PDE4B: variants seen among roughly 807,000 people sequenced by gnomAD.
The protein encoded by PDE4B is phosphodiesterase 4B.
Under a neutral mutation model 82.2 loss-of-function variants are expected in PDE4B, and 20 were observed. The ratio of observed to expected loss-of-function variants is 0.24; its 90% CI spans 0.17 to 0.35. PDE4B has a LOEUF of 0.35. PDE4B is among the 10% of genes least tolerant of loss of function. The pLI is 1.00. For missense variants in PDE4B, 655 were observed against 907.2 expected (o/e 0.72, Z 3.57); for synonymous variants, 320 against 318.9 (o/e 1.00, Z -0.04).
At chr1:66,238,457 C>T (rs1247520665) in intron 3 of PDE4B, among the ~76,000 whole-genome samples, 1 of 152,142 alleles carries the variant, frequency 6.6e-6, no homozygotes, top group Non-Finnish European at 1.5e-5. Flanking sequence ...AAAGATTGCT[C>T]TTGCTATGTG....
At chr1:65,981,062 A>T (rs867500291) in intron 3 of PDE4B, among the ~76,000 whole-genome samples, 7 of 152,198 alleles carry the variant, frequency 4.6e-5, no homozygotes, top group Non-Finnish European at 1.0e-4. Context: ...AGAATTAAGT[A>T]TCTGACCTGG....
At chr1:65,809,332 C>CAAAAAAAAAAAA (rs11366228) in intron 1 of PDE4B, among the ~76,000 whole-genome samples, 3 of 72,514 alleles carry the variant, frequency 4.1e-5, no homozygotes, top group African/African-American at 5.4e-5. Flanking sequence ...CTCCATCTCA[C>CAAAAAAAAAAAA]AAAAAAAAAA....
rs781262770 is a variant in PDE4B at position 66,361,765 on chromosome 1, A to T, written c.992A>T (p.Asn331Ile). The T allele has an allele frequency of 8.1e-6, 13 of 1,612,398 alleles. 1 individual carries two copies. The African/African-American group carries it at 1.1e-4, about 13-fold the overall frequency. ...NNTSISRFGV[N>I]TENEDHLAKE... ...ACAAGCATCTCACGCTTTGGAGTCA[A>T]CACTGAAAATGAAGATCACCTGGCC... The change falls in exon 10 of 17, where the codon AAC (asparagine) becomes ATC (isoleucine). Residue 331 changes from asparagine to isoleucine, a missense_variant. This residue lies in a region of PDE4B where 283 missense variants were observed against 516.4 expected (regional missense o/e 0.55). Coordinates refer to ENST00000341517, the MANE Select transcript of PDE4B (RefSeq NM_002600.4).
intron 1 of PDE4B, among the ~76,000 whole-genome samples, chr1:65,887,698 A>T (rs1389704481): frequency 2.0e-5 from 3 of 151,900 alleles, no homozygotes; most frequent in Admixed American, 6.6e-5. Flanking sequence ...GATTACAGGC[A>T]TGAGCCACCA....
At chr1:66,300,862 A>C (rs1030783844) in intron 7 of PDE4B, among the ~76,000 whole-genome samples, 1 of 152,158 alleles carries the variant, frequency 6.6e-6, no homozygotes, top group African/African-American at 2.4e-5. Flanking sequence ...TTCTTCATAG[A>C]TGGCCTATTC....
In PDE4B at chr1:66,372,475, G is replaced by A; in HGVS notation, c.2008G>A (p.Asp670Asn). 1 of 1,614,094 alleles carries A rather than the reference G, an allele frequency of 6.2e-7. No homozygotes were observed. The highest frequency in any genetic ancestry group is 8.5e-7 in the Non-Finnish European group (1 of 1,179,978). The stretch of plus-strand genomic sequence containing the variant: ...ACCACCACTGGACGAGCAGAACAGG[G>A]ACTGCCAGGGTCTGATGGAGAAGTT... The part of the protein sequence containing the change: ...PSPPLDEQNR[D>N]CQGLMEKFQF... Residue 670 changes from aspartate to asparagine, a missense_variant, in exon 17 of 17, where the codon GAC (aspartate) becomes AAC (asparagine). Transcript: ENST00000341517.
In PDE4B at chr1:65,944,668, C is replaced by A. The variant is rs915960891; in HGVS notation, c.281+25833C>A. Among the ~76,000 whole-genome samples, 8 of 151,906 alleles carry A rather than the reference C, an allele frequency of 5.3e-5. No homozygotes were observed. The South Asian group carries it at 6.2e-4, about 12-fold the overall frequency. ...AGTTAAGACAATGGAGATGACCAGC[C>A]CTGACCATACAAGAACAAGATCAGA... On this transcript the variant is annotated intron_variant, in intron 3 of 16. Coordinates refer to ENST00000341517, the MANE Select transcript of PDE4B (RefSeq NM_002600.4).
chr1:66,371,140 A>AAT (rs2050763171), intron 16 of PDE4B, among the ~76,000 whole-genome samples: 1 of 127,978 alleles, frequency 7.8e-6, no homozygotes, highest in Non-Finnish European at 1.7e-5. Flanking sequence ...ATATAATTTT[A>AAT]TTTATGAAAG....
chr1:65,855,658 CAAG>C (rs1188698071), intron 1 of PDE4B, among the ~76,000 whole-genome samples: 1 of 152,166 alleles, frequency 6.6e-6, no homozygotes, highest in Non-Finnish European at 1.5e-5. Context: ...TCAGTGGATT[CAAG>C]AAGATTTCTG....
intron 3 of PDE4B, among the ~76,000 whole-genome samples, chr1:66,214,894 A>G (rs1489015661): frequency 6.6e-6 from 1 of 152,188 alleles, no homozygotes; most frequent in African/African-American, 2.4e-5. Flanking sequence ...CTCTCATATC[A>G]TGACCTTGTT....
intron 1 of PDE4B, among the ~76,000 whole-genome samples, chr1:65,843,625 C>T (rs374443325): frequency 1.4e-4 from 21 of 152,102 alleles, no homozygotes; most frequent in African/African-American, 4.6e-4. Context: ...TATATATATG[C>T]GTTTAATCAG....
chr1:66,327,389 G>A (rs1486951008), intron 7 of PDE4B, among the ~76,000 whole-genome samples: 6 of 152,166 alleles, frequency 3.9e-5, no homozygotes, highest in Non-Finnish European at 5.9e-5. Context: ...ACACATACAT[G>A]ACATGCACAA....
chr1:65,904,275 G>A (rs1647003521), intron 1 of PDE4B, among the ~76,000 whole-genome samples: 2 of 152,248 alleles, frequency 1.3e-5, no homozygotes, highest in South Asian at 4.1e-4. Context: ...GTGAATGAAT[G>A]TCATGAGTCT....
intron 3 of PDE4B, among the ~76,000 whole-genome samples, chr1:66,206,811 C>A (rs913728708): frequency 5.9e-5 from 9 of 152,108 alleles, no homozygotes; most frequent in Admixed American, 5.9e-4. Context: ...ATTGCATGGT[C>A]CACTAGCTCA....
rs1649407498 is a variant in PDE4B, at chr1:66,204,815, C to T, written c.282-42645C>T. Reference sequence around the variant, plus strand: ...ACTTCCAGAGGGAGGCAATGCCTTGCCCTGCTTCAGCTCGCTCACGGTGTG... The same window carrying T: ...ACTTCCAGAGGGAGGCAATGCCTTGTCCTGCTTCAGCTCGCTCACGGTGTG... On this transcript the variant is annotated intron_variant, in intron 3 of 16. Coordinates refer to ENST00000341517, the MANE Select transcript of PDE4B (RefSeq NM_002600.4). Among the ~76,000 whole-genome samples the T allele has an allele frequency of 2.6e-5, 4 of 152,212 alleles. No individual in the cohort carries two copies. The South Asian group carries it at 6.2e-4, about 24-fold the overall frequency.
At chr1:65,990,980 G>C (rs1191196116) in intron 3 of PDE4B, among the ~76,000 whole-genome samples, 1 of 152,096 alleles carries the variant, frequency 6.6e-6, no homozygotes, top group Admixed American at 6.6e-5. Flanking sequence ...CCAAGGGCTG[G>C]TATGGGTCTT....
At chr1:66,110,575 A>G (rs1263175305) in intron 3 of PDE4B, among the ~76,000 whole-genome samples, 2 of 152,080 alleles carry the variant, frequency 1.3e-5, no homozygotes, top group Non-Finnish European at 2.9e-5. Context: ...AATGCTTATT[A>G]GCTAAAAGCA....
intron 3 of PDE4B, among the ~76,000 whole-genome samples, chr1:66,146,567 TC>T (rs755477527): frequency 1.4e-4 from 21 of 152,106 alleles, no homozygotes; most frequent in Non-Finnish European, 1.6e-4. Context: ...GTTGCACAAC[TC>T]CACTGTTCAA....
intron 1 of PDE4B, among the ~76,000 whole-genome samples, chr1:65,887,615 G>T (rs1453203475): frequency 6.6e-6 from 1 of 150,584 alleles, no homozygotes; most frequent in African/African-American, 2.4e-5. Context: ...ATGGGGTTTT[G>T]CCATGTTGCC....
Sources: allele counts gnomAD v4.1 joint callset (sites outside exome capture counted in the v4.1 genomes callset), GRCh38; gene constraint gnomAD v4.1.1; regional missense constraint gnomAD v4.1.1; transcripts MANE v1.5; gene names NCBI Gene and HGNC (gene_info 2026-07-23, HGNC 2026-07-21).